LPA: variants seen among roughly 807,000 people sequenced by gnomAD.
LPA encodes the protein lipoprotein(a), also known as apolipoprotein(a).
A neutral mutation model predicts 197.9 loss-of-function variants in LPA; 199 were observed. That is an observed-to-expected ratio of 1.01 (90% confidence interval 0.90 to 1.13). The LOEUF (loss-of-function observed/expected upper bound fraction) is 1.13. Among genes scored for constraint, LPA ranks in the 50% most tolerant of loss-of-function variants. The pLI is 0.00. For synonymous variants in LPA, 715 were observed against 639.5 expected (o/e 1.12, Z -1.78); for missense variants, 1,853 against 1,785.8 (o/e 1.04, Z -0.68).
At chr6:160,600,819 A>C in intron 19 of LPA, 98 bp downstream of exon 19, 2 of 1,355,800 alleles carry the variant, frequency 1.5e-6, no homozygotes, top group Non-Finnish European at 2.1e-6. Context: ...CCAACACACG[A>C]GAACCAGTGT....
At chr6:160,576,452 TTG>T (rs909342874) in intron 28 of LPA, among the ~76,000 whole-genome samples, 1 of 132,546 alleles carries the variant, frequency 7.5e-6, no homozygotes, top group Non-Finnish European at 1.6e-5. Flanking sequence ...ACACATATAT[TTG>T]TGTGTGTAAA....
chr6:160,594,252 G>T, intron 21 of LPA, 135 bp from the exon 22 acceptor site: 2 of 1,015,986 alleles, frequency 2.0e-6, no homozygotes, highest in Non-Finnish European at 3.0e-6. Flanking sequence ...CAGGCAGATG[G>T]ACATACCAAT....
At chr6:160,658,125 C>G (rs1226056382) in intron 1 of LPA, among the ~76,000 whole-genome samples, 2 of 152,084 alleles carry the variant, frequency 1.3e-5, no homozygotes, top group African/African-American at 4.8e-5. Context: ...CAGCACGGGT[C>G]AGGGAGGGGA....
intron 26 of LPA, among the ~76,000 whole-genome samples, chr6:160,580,224 T>G (rs926469369): frequency 6.6e-6 from 1 of 152,246 alleles, no homozygotes; most frequent in Non-Finnish European, 1.5e-5. Context: ...TCCTTGTTGA[T>G]GAATAGTATT....
rs1055130581 is a variant in LPA at position 160,562,320 on chromosome 6, G to A, written c.4632-4749C>T. On this transcript the variant is annotated intron_variant, in intron 28 of 38. Transcript: ENST00000316300. ...CAAAGGCCTTTTCTGCGTCTATTGCGATAATCATACGGTTTTTGTCATTGG... is the reference window on the plus strand; with the variant it reads ...CAAAGGCCTTTTCTGCGTCTATTGCAATAATCATACGGTTTTTGTCATTGG... Among the ~76,000 whole-genome samples the A allele has an allele frequency of 3.0e-4, 46 of 152,200 alleles. 1 individual carries two copies. Among genetic ancestry groups the A allele is most frequent in the Non-Finnish European group, 1.6e-4 (11 of 68,042 alleles).
intron 30 of LPA, among the ~76,000 whole-genome samples, chr6:160,548,919 G>A (rs1426320258): frequency 6.6e-6 from 1 of 152,150 alleles, no homozygotes; most frequent in Non-Finnish European, 1.5e-5. Flanking sequence ...TTGCTATGAG[G>A]AAATACCCGA....
chr6:160,569,570 G>C (rs1778525048), intron 28 of LPA, among the ~76,000 whole-genome samples: 1 of 152,110 alleles, frequency 6.6e-6, no homozygotes, highest in African/African-American at 2.4e-5. Flanking sequence ...ACATAGGCAT[G>C]GGCAAGGACT....
intron 23 of LPA, 105 bp from the exon 24 acceptor site, chr6:160,589,817 C>T (rs1046577025): frequency 1.8e-5 from 24 of 1,336,944 alleles, no homozygotes; most frequent in Admixed American, 7.2e-5. Flanking sequence ...AAAATGACGA[C>T]CATGCTCTGT....
At position 160,586,429 on chromosome 6, in the gene LPA, TCTGACTGCAGG is replaced by T; in HGVS notation, c.4129+9_4129+19del. On this transcript the variant is annotated intron_variant, in intron 25 of 38. Coordinates refer to ENST00000316300, the MANE Select transcript of LPA (RefSeq NM_005577.4). ...ATCCCAATGTCCGAGGGTATGGTTGTCTGACTGCAGGCTTCTTACCTTCTTCAGAAGGAAGC... is the reference window on the plus strand; with the variant it reads ...ATCCCAATGTCCGAGGGTATGGTTGTCTTCTTACCTTCTTCAGAAGGAAGC... 1 of 1,612,940 alleles carries T rather than the reference TCTGACTGCAGG, an allele frequency of 6.2e-7. No individual in the cohort carries two copies. Among genetic ancestry groups the T allele is most frequent in the Non-Finnish European group, 8.5e-7 (1 of 1,179,110 alleles).
At position 160,531,636 on chromosome 6, in the gene LPA, G is replaced by T; in HGVS notation, c.*93C>A. The T allele has an allele frequency of 6.5e-7, 1 of 1,537,214 alleles. No homozygotes were observed. The highest frequency in any genetic ancestry group is 9.0e-7 in the Non-Finnish European group (1 of 1,111,738). Reference sequence around the variant, plus strand: ...GCTGGTAGCTGGGAACAGTGTCTTCGTTTGATTGCTGTCTATTATTTCCAG... The same window carrying T: ...GCTGGTAGCTGGGAACAGTGTCTTCTTTTGATTGCTGTCTATTATTTCCAG... On this transcript the variant is annotated 3_prime_UTR_variant, in exon 39 of 39. Transcript: ENST00000316300.
At position 160,531,806 on chromosome 6, in the gene LPA, G is replaced by A. The variant is rs3124784; in HGVS notation, c.6046C>T (p.Arg2016Cys). Reference protein sequence around the residue: ...GVTSWGLGCARPNKPGVYARV... With the variant: ...GVTSWGLGCACPNKPGVYARV... ...GCATAGACACCAGGCTTATTGGGGCGTGCACAGCCAAGACCCCAAGAAGTG... is the reference window on the plus strand; with the variant it reads ...GCATAGACACCAGGCTTATTGGGGCATGCACAGCCAAGACCCCAAGAAGTG... Residue 2016 changes from arginine (R) to cysteine (C), a missense_variant, in exon 39 of 39, where the codon CGC (arginine) becomes TGC (cysteine). Arg to Cys is a radical substitution (Grantham distance 180, BLOSUM62 -3). Coordinates refer to ENST00000316300, the MANE Select transcript of LPA (RefSeq NM_005577.4). 425,200 of 1,613,340 alleles carry A rather than the reference G, an allele frequency of 0.26. 57,872 individuals carry two copies. Among genetic ancestry groups the A allele is most frequent in the Non-Finnish European group, 0.28 (330,855 of 1,179,522 alleles).
At chr6:160,600,776 G>A (rs903969778) in intron 19 of LPA, 141 bp downstream of exon 19, 11 of 951,920 alleles carry the variant, frequency 1.2e-5, no homozygotes, top group East Asian at 2.6e-5. Flanking sequence ...CAGAGAGTGC[G>A]CTAAGGCTTC....
intron 22 of LPA, among the ~76,000 whole-genome samples, chr6:160,592,444 C>A (rs761639518): frequency 6.6e-6 from 1 of 152,136 alleles, no homozygotes; most frequent in Admixed American, 6.5e-5. Context: ...TCATGGTCAG[C>A]TTTTGCTGAC....
intron 1 of LPA, among the ~76,000 whole-genome samples, chr6:160,655,769 C>G (rs1780121584): frequency 6.6e-6 from 1 of 152,204 alleles, no homozygotes; most frequent in South Asian, 2.1e-4. Context: ...TTTGCTACTT[C>G]TTGCTCACTG....
chr6:160,575,005 G>A lies in LPA; in HGVS notation c.4631+2131C>T, dbSNP rs777400445. 1.1e-4 allele frequency among the ~76,000 whole-genome samples: 17 copies of A among 152,182 alleles called. 1 individual carries two copies. Among genetic ancestry groups the A allele is most frequent in the Non-Finnish European group, 7.3e-5 (5 of 68,040 alleles). On this transcript the variant is annotated intron_variant, in intron 28 of 38. Coordinates refer to ENST00000316300, the MANE Select transcript of LPA (RefSeq NM_005577.4). ...TTCTGACTTTCATTGTTTCTGATGA[G>A]AAGGCATCAGTCATTTGTGTAACTG...
At chr6:160,564,723 G>A (rs996485674) in intron 28 of LPA, among the ~76,000 whole-genome samples, 18 of 152,298 alleles carry the variant, frequency 1.2e-4, no homozygotes, top group African/African-American at 9.6e-5. Flanking sequence ...GAAGTGTAAG[G>A]GGTCAGGGAA....
At chr6:160,602,916 T>C (rs540842485) in intron 18 of LPA, among the ~76,000 whole-genome samples, 3 of 152,156 alleles carry the variant, frequency 2.0e-5, no homozygotes, top group Non-Finnish European at 4.4e-5. Flanking sequence ...TTTCCTCCAG[T>C]TTCTCATGAG....
In LPA at chr6:160,589,693, G is replaced by C; in HGVS notation, c.3807C>G (p.Pro1269=). 6.2e-7 allele frequency: 1 copy of C among 1,613,866 alleles called. No individual in the cohort carries two copies. The highest frequency in any genetic ancestry group is 8.5e-7 in the Non-Finnish European group (1 of 1,179,810). Residue 1269 remains proline (P), a synonymous_variant, in exon 24 of 39, where the codon CCC becomes CCG. Coordinates refer to ENST00000316300, the MANE Select transcript of LPA (RefSeq NM_005577.4). The part of the protein sequence containing the change: ...VSEQAPTEQS[P]TVQDCYHGDG... ...CACCATGGTAGCAGTCCTGGACTGTGGGGCTTTGCTCCGTTGGTGCTGAAA... is the reference window on the plus strand; with the variant it reads ...CACCATGGTAGCAGTCCTGGACTGTCGGGCTTTGCTCCGTTGGTGCTGAAA...
chr6:160,547,423 C>T (rs1303063402), intron 32 of LPA, among the ~76,000 whole-genome samples: 1 of 152,112 alleles, frequency 6.6e-6, no homozygotes, highest in African/African-American at 2.4e-5. Flanking sequence ...ACAGATGAAG[C>T]TTTGTTTGCT....
Sources: allele counts gnomAD v4.1 joint callset (sites outside exome capture counted in the v4.1 genomes callset), GRCh38; gene constraint gnomAD v4.1.1; transcripts MANE v1.5; gene names NCBI Gene and HGNC (gene_info 2026-07-23, HGNC 2026-07-21).